Variants in AFDN observed in about 807,000 individuals in gnomAD.
AFDN encodes the protein afadin.
In AFDN, 68 loss-of-function variants were observed where a neutral mutation model predicts 216.6. That is an observed-to-expected ratio of 0.31 (90% CI 0.26 to 0.38). AFDN has a LOEUF of 0.38. AFDN is among the 10% of genes least tolerant of loss of function. The pLI, the probability that AFDN is intolerant of heterozygous loss-of-function variation, is 1.00. For missense variants in AFDN, 2,136 were observed against 2,342.0 expected (o/e 0.91, Z 1.82); for synonymous variants, 868 against 853.7 (o/e 1.02, Z -0.29).
At chr6:167,922,149 T>C in intron 21 of AFDN, among the ~76,000 whole-genome samples, 1 of 152,226 alleles carries the variant, frequency 6.6e-6, no homozygotes, top group East Asian at 1.9e-4. Context: ...AGATAGGAGT[T>C]GGTCAAAAAC....
At position 167,963,049 on chromosome 6, in the gene AFDN, G is replaced by A. The variant is rs562013939; in HGVS notation, c.4968+482G>A. On this transcript the variant is annotated intron_variant, in intron 31 of 33. Transcript: ENST00000683244. ...CTGGTTGATGGTAAAGAGAGCAGAT[G>A]GCTTAGAAAACATGATACAGGAAAA... The A allele has an allele frequency of 2.0e-4, 213 of 1,071,112 alleles. 4 individuals are homozygous for A. The South Asian group carries it at 7.6e-3, about 38-fold the overall frequency. 66.4% of individuals were successfully genotyped at this position (1,071,112 alleles called of 1,614,324 possible).
intron 23 of AFDN, among the ~76,000 whole-genome samples, chr6:167,935,415 T>G (rs1793872727): frequency 6.6e-6 from 1 of 152,218 alleles, no homozygotes; most frequent in South Asian, 2.1e-4. Flanking sequence ...GTACTGCAGA[T>G]GTTCTCAGGG....
At chr6:167,952,265 A>C (rs1349646316) in intron 30 of AFDN, 78 bp downstream of exon 30, 2 of 1,607,998 alleles carry the variant, frequency 1.2e-6, no homozygotes, top group Admixed American at 3.4e-5. Flanking sequence ...GGGGATAGCT[A>C]GGCCCCTGAT....
Position 167,922,927 on chromosome 6 carries a change from G to A in AFDN, c.2980G>A (p.Glu994Lys). The part of the protein sequence containing the change: ...WTIYFEGADY[E>K]SHLLRENTEL... ...AATATATTTTGAAGGTGCAGATTAT[G>A]AAAGTCACCTTCTGCGTGAGAACAC... Residue 994 changes from glutamate to lysine, a missense_variant, in exon 22 of 34, where the codon GAA becomes AAA. Glu to Lys is a moderately conservative substitution (Grantham distance 56). Around this residue, in one of 8 missense-constraint regions of AFDN, gnomAD observed 162 missense variants for 182.6 expected, o/e 0.89. Transcript: ENST00000683244. The A allele has an allele frequency of 6.2e-7, 1 of 1,613,138 alleles. No homozygotes were observed. Among genetic ancestry groups the A allele is most frequent in the Non-Finnish European group, 8.5e-7 (1 of 1,179,532 alleles).
In AFDN at chr6:167,868,012, C is replaced by T. The variant is rs372206775; in HGVS notation, c.302-2374C>T. ...CTGTAGTAAGACCCTTGTGCCGTCA[C>T]CATGCTGTTACTGCCTCTCTTTCTG... On this transcript the variant is annotated intron_variant, in intron 2 of 33. Coordinates refer to ENST00000683244, the MANE Select transcript of AFDN (RefSeq NM_001386888.1). 7.7e-4 allele frequency among the ~76,000 whole-genome samples: 118 copies of T among 152,306 alleles called. No homozygotes were observed. In the Middle Eastern group the frequency reaches 0.01, roughly 13 times the overall value.
rs1340973273 is a variant in AFDN at position 167,846,274 on chromosome 6, G to C, written c.106-18277G>C. Among the ~76,000 whole-genome samples, 3 of 152,092 alleles carry C rather than the reference G, an allele frequency of 2.0e-5. No individual in the cohort carries two copies. The East Asian group carries it at 5.8e-4, about 29-fold the overall frequency. Reference sequence around the variant, plus strand: ...GTGACTGGACTGCGTGGTATCGAAAGAAGCCTTGGATGTAGGTTTGTTAAT... The same window carrying C: ...GTGACTGGACTGCGTGGTATCGAAACAAGCCTTGGATGTAGGTTTGTTAAT... On this transcript the variant is annotated intron_variant, in intron 1 of 33. Transcript: ENST00000683244.
chr6:167,944,542 A>G (rs1386556314), intron 26 of AFDN, among the ~76,000 whole-genome samples: 1 of 152,208 alleles, frequency 6.6e-6, no homozygotes, highest in Non-Finnish European at 1.5e-5. Flanking sequence ...ATTTGCTGAG[A>G]TAAGGCATGA....
intron 23 of AFDN, among the ~76,000 whole-genome samples, chr6:167,936,355 T>A (rs1226177021): frequency 6.6e-6 from 1 of 152,234 alleles, no homozygotes; most frequent in African/African-American, 2.4e-5. Flanking sequence ...ACATAGAGCT[T>A]CTAGGCCTGG....
At chr6:167,884,097 C>G (rs1477123800) in intron 6 of AFDN, among the ~76,000 whole-genome samples, 1 of 152,200 alleles carries the variant, frequency 6.6e-6, no homozygotes, top group African/African-American at 2.4e-5. Flanking sequence ...TTTGCTTATT[C>G]ACAAGAGGCA....
rs141575988 is a variant in AFDN, at chr6:167,846,181, T to A, written c.106-18370T>A. On this transcript the variant is annotated intron_variant, in intron 1 of 33. Transcript: ENST00000683244. ...CCCCATTCCTTTTACATCTAGTAGG[T>A]AGCAGTTTATCAGAGCTTGGGCGGT... 2.7e-3 allele frequency among the ~76,000 whole-genome samples: 409 copies of A among 152,108 alleles called. 4 individuals carry two copies. Among genetic ancestry groups the A allele is most frequent in the African/African-American group, 9.1e-3 (377 of 41,506 alleles).
intron 21 of AFDN, 46 bp from the exon 22 acceptor site, chr6:167,922,810 G>C (rs766751713): frequency 6.1e-6 from 8 of 1,303,536 alleles, no homozygotes; most frequent in Non-Finnish European, 7.7e-6. Context: ...CCTTTATCTT[G>C]ACAAGATGTG....
chr6:167,851,230 T>G (rs1351672496), intron 1 of AFDN, among the ~76,000 whole-genome samples: 1 of 152,210 alleles, frequency 6.6e-6, no homozygotes, highest in Admixed American at 6.5e-5. Flanking sequence ...TAGAGATAGG[T>G]TTTTTATACA....
chr6:167,934,459 C>T (rs1793726938), intron 23 of AFDN, among the ~76,000 whole-genome samples: 1 of 152,064 alleles, frequency 6.6e-6, no homozygotes, highest in South Asian at 2.1e-4. Context: ...TTTTTAAAAC[C>T]CAAGCCTGGA....
Position 167,917,027 on chromosome 6 carries a change from G to GATA in AFDN, c.2566-58_2566-56dup, listed in dbSNP as rs1791166690. ...ATATTTTTATAAATATTACATAAAG[G>GATA]ATAATATTTTTGAAATAACTTTACA... is the stretch of plus-strand genomic sequence containing the variant. On this transcript the variant is annotated intron_variant, in intron 19 of 33. Transcript: ENST00000683244. 8 of 1,401,610 alleles carry GATA rather than the reference G, an allele frequency of 5.7e-6. No homozygotes were observed. In the East Asian group the frequency reaches 1.7e-4, roughly 29 times the overall value. 86.8% of individuals were successfully genotyped at this position (1,401,610 alleles called of 1,614,324 possible). A position where few individuals can be genotyped will look rare whatever the true frequency, so the allele number is the denominator to read the frequency against.
intron 13 of AFDN, 29 bp downstream of exon 13, chr6:167,907,318 A>G: frequency 6.7e-7 from 1 of 1,503,314 alleles, no homozygotes; most frequent in Non-Finnish European, 9.3e-7. Flanking sequence ...TTCAATGGTG[A>G]AAGTACTGAA....
In AFDN at chr6:167,835,307, G is replaced by A. The variant is rs535169191; in HGVS notation, c.105+8070G>A. ...AGGCAGCACTTGAAGAGATAAGCTT[G>A]CGTTATTCATTTTTGACAAAATGTC... On this transcript the variant is annotated intron_variant, in intron 1 of 33. Transcript: ENST00000683244. Among the ~76,000 whole-genome samples the A allele has an allele frequency of 3.1e-4, 47 of 152,280 alleles. 1 individual carries two copies. In the South Asian group the frequency reaches 8.7e-3, roughly 28 times the overall value.
At chr6:167,847,881 A>T (rs1369408865) in intron 1 of AFDN, among the ~76,000 whole-genome samples, 1 of 152,034 alleles carries the variant, frequency 6.6e-6, no homozygotes, top group African/African-American at 2.4e-5. Context: ...TTAATCACTC[A>T]GTGTACCTTG....
chr6:167,953,602 T>G (rs1328940328), intron 30 of AFDN, among the ~76,000 whole-genome samples: 5 of 152,260 alleles, frequency 3.3e-5, no homozygotes, highest in African/African-American at 7.2e-5. Flanking sequence ...CTGTGTTTAC[T>G]GTAAGCACTG....
At chr6:167,863,963 T>C (rs926437581) in intron 1 of AFDN, among the ~76,000 whole-genome samples, 30 of 152,216 alleles carry the variant, frequency 2.0e-4, no homozygotes, top group African/African-American at 7.2e-4. Context: ...AATATATTCT[T>C]CAAAAATTAA....
Sources: allele counts gnomAD v4.1 joint callset (sites outside exome capture counted in the v4.1 genomes callset), GRCh38; gene constraint gnomAD v4.1.1; regional missense constraint gnomAD v4.1.1; transcripts MANE v1.5; gene names NCBI Gene and HGNC (gene_info 2026-07-23, HGNC 2026-07-21).